The following NXPH1 variants were observed in gnomAD, a reference collection of about 807,000 sequenced individuals.
NXPH1 encodes neurexophilin 1.
Under a neutral mutation model 23.7 loss-of-function variants are expected in NXPH1, and 5 were observed. That is an observed-to-expected ratio of 0.21 (90% CI 0.11 to 0.44). The LOEUF (loss-of-function observed/expected upper bound fraction) is 0.44. Among genes scored for constraint, NXPH1 ranks in the 20% least tolerant of loss-of-function variants. The pLI, the probability that NXPH1 is intolerant of heterozygous loss-of-function variation, is 0.99. For synonymous variants in NXPH1, 144 were observed against 122.2 expected, an observed-to-expected ratio of 1.18 and a Z score of -1.18; for missense variants, 324 against 321.6, an observed-to-expected ratio of 1.01 and a Z score of -0.06.
At chr7:8,466,843 G>C (rs187653874) in intron 2 of NXPH1, among the ~76,000 whole-genome samples, 3 of 152,126 alleles carry the variant, frequency 2.0e-5, no homozygotes, top group African/African-American at 7.2e-5. Flanking sequence ...TTGTGGTTGG[G>C]AGGTGGTATA....
rs992863420 is a variant in NXPH1 at position 8,707,853 on chromosome 7, T to A, written c.55-43155T>A. Among the ~76,000 whole-genome samples the A allele has an allele frequency of 4.6e-5, 7 of 152,194 alleles. No individual in the cohort carries two copies. In the East Asian group the frequency reaches 5.8e-4, roughly 13 times the overall value. ...TCACTTCAAAAAAAGAAATAAATTG[T>A]ATTATTGGAACAATTAACTTTTAGA... On this transcript the variant is annotated intron_variant, in intron 2 of 2. Transcript: ENST00000405863.
intron 2 of NXPH1, among the ~76,000 whole-genome samples, chr7:8,625,639 A>G (rs1819971095): frequency 1.3e-5 from 2 of 152,224 alleles, no homozygotes; most frequent in Non-Finnish European, 2.9e-5. Context: ...TTTTAACTCT[A>G]TGGGTCCCTA....
intron 2 of NXPH1, among the ~76,000 whole-genome samples, chr7:8,468,789 A>G (rs955539379): frequency 6.6e-6 from 1 of 152,064 alleles, no homozygotes; most frequent in African/African-American, 2.4e-5. Context: ...CAGTTCTTAG[A>G]TTTGAGCGAC....
rs542001923 is a variant in NXPH1 at position 8,712,512 on chromosome 7, G to T, written c.55-38496G>T. Among the ~76,000 whole-genome samples the T allele has an allele frequency of 2.6e-5, 4 of 152,242 alleles. No individual in the cohort carries two copies. The South Asian group carries it at 6.2e-4, about 24-fold the overall frequency. On this transcript the variant is annotated intron_variant, in intron 2 of 2. Coordinates refer to ENST00000405863, the MANE Select transcript of NXPH1 (RefSeq NM_152745.3). ...CCTCTGTGTCTTGGGAATACAAAAA[G>T]AACTGGATGACTAGTCTCCACTCCT...
intron 2 of NXPH1, among the ~76,000 whole-genome samples, chr7:8,706,407 G>A (rs1779707862): frequency 6.6e-6 from 1 of 152,152 alleles, no homozygotes; most frequent in African/African-American, 2.4e-5. Flanking sequence ...CTCCCTCAAT[G>A]CATAACTAAG....
Position 8,535,892 on chromosome 7 carries a change from T to A in NXPH1, c.54+100125T>A, listed in dbSNP as rs369205454. ...CCATGTTTACCTTTTGTTCACCTGCTGTTTCCTTTGCCAGAAGCATCTCCT... is the reference window on the plus strand; with the variant it reads ...CCATGTTTACCTTTTGTTCACCTGCAGTTTCCTTTGCCAGAAGCATCTCCT... On this transcript the variant is annotated intron_variant, in intron 2 of 2. Transcript: ENST00000405863. 1.4e-4 allele frequency among the ~76,000 whole-genome samples: 22 copies of A among 152,156 alleles called. No individual in the cohort carries two copies. The East Asian group carries it at 3.1e-3, about 21-fold the overall frequency.
intron 2 of NXPH1, among the ~76,000 whole-genome samples, chr7:8,556,468 G>A (rs976624694): frequency 6.6e-6 from 1 of 151,650 alleles, no homozygotes; most frequent in African/African-American, 2.4e-5. Context: ...TGGGGGCTTT[G>A]ATTTCTCTTC....
chr7:8,721,593 G>C (rs1003320438), intron 2 of NXPH1, among the ~76,000 whole-genome samples: 2 of 152,088 alleles, frequency 1.3e-5, no homozygotes, highest in African/African-American at 4.8e-5. Flanking sequence ...GGCTAACACG[G>C]TGAAACCCTG....
intron 2 of NXPH1, among the ~76,000 whole-genome samples, chr7:8,495,321 G>T (rs1467721570): frequency 8.5e-6 from 1 of 116,964 alleles, no homozygotes; most frequent in Non-Finnish European, 1.9e-5. Flanking sequence ...CCACATTATG[G>T]AGAGTAATCA....
chr7:8,558,040 G>T (rs1050425312), intron 2 of NXPH1, among the ~76,000 whole-genome samples: 1 of 151,526 alleles, frequency 6.6e-6, no homozygotes, highest in African/African-American at 2.4e-5. Flanking sequence ...ACATAAAAAG[G>T]CTTGTTATTA....
intron 2 of NXPH1, among the ~76,000 whole-genome samples, chr7:8,492,306 C>A (rs1817260810): frequency 6.6e-6 from 1 of 151,984 alleles, no homozygotes; most frequent in Non-Finnish European, 1.5e-5. Flanking sequence ...TTTGGCAGCA[C>A]TACAGGGTGA....
chr7:8,702,495 T>C (rs1330149771), intron 2 of NXPH1, among the ~76,000 whole-genome samples: 1 of 152,096 alleles, frequency 6.6e-6, no homozygotes, highest in African/African-American at 2.4e-5. Context: ...GGGAGGCTAG[T>C]CATGGGCCTT....
At chr7:8,661,868 T>C (rs193212907) in intron 2 of NXPH1, among the ~76,000 whole-genome samples, 27 of 152,150 alleles carry the variant, frequency 1.8e-4, no homozygotes, top group African/African-American at 6.3e-4. Flanking sequence ...GTATGACTGA[T>C]ACATAAAATT....
At chr7:8,625,709 C>T (rs111840496) in intron 2 of NXPH1, among the ~76,000 whole-genome samples, 6 of 152,170 alleles carry the variant, frequency 3.9e-5, no homozygotes, top group African/African-American at 1.4e-4. Flanking sequence ...GTTTTCTTAA[C>T]AAAGCTTTCA....
intron 2 of NXPH1, among the ~76,000 whole-genome samples, chr7:8,619,695 AT>A (rs911861847): frequency 1.3e-5 from 2 of 152,102 alleles, no homozygotes; most frequent in Non-Finnish European, 2.9e-5. Context: ...TCTCCAGCGT[AT>A]TTTTTAAGTG....
rs149865791 is a variant in NXPH1 at position 8,630,124 on chromosome 7, C to T, written c.55-120884C>T. Among the ~76,000 whole-genome samples the T allele has an allele frequency of 8.4e-3, 1,277 of 152,108 alleles. 18 individuals carry two copies. Among genetic ancestry groups the T allele is most frequent in the South Asian group, 0.055 (266 of 4,814 alleles). The stretch of plus-strand genomic sequence containing the variant: ...TAAGGCATACTGATGGTTGTTCAGA[C>T]GCATCACGTTGACATAATACTATGA... On this transcript the variant is annotated intron_variant, in intron 2 of 2. Transcript: ENST00000405863.
intron 2 of NXPH1, among the ~76,000 whole-genome samples, chr7:8,644,084 T>A (rs187143542): frequency 1.2e-4 from 19 of 152,320 alleles, no homozygotes; most frequent in African/African-American, 4.6e-4. Flanking sequence ...ACATACTACA[T>A]AGTTATCTCC....
intron 2 of NXPH1, among the ~76,000 whole-genome samples, chr7:8,483,211 C>T (rs1271182242): frequency 2.6e-5 from 4 of 152,238 alleles, no homozygotes; most frequent in South Asian, 4.1e-4. Flanking sequence ...TGTTTCTGTG[C>T]TACAAGTAAT....
chr7:8,631,827 A>G (rs1040725152), intron 2 of NXPH1, among the ~76,000 whole-genome samples: 2 of 152,210 alleles, frequency 1.3e-5, no homozygotes, highest in Non-Finnish European at 2.9e-5. Flanking sequence ...GAAGCAAGTT[A>G]TACCTTAGAA....
Sources: allele counts gnomAD v4.1 joint callset (sites outside exome capture counted in the v4.1 genomes callset), GRCh38; gene constraint gnomAD v4.1.1; transcripts MANE v1.5; gene names NCBI Gene and HGNC (gene_info 2026-07-23, HGNC 2026-07-21).